PCNX2: variants seen among roughly 807,000 people sequenced by gnomAD.
The protein encoded by PCNX2 is pecanex 2.
PCNX2 carries 168 observed loss-of-function variants against 223.8 expected under a neutral mutation model. The observed-to-expected ratio is 0.75, with a 90% CI of 0.66 to 0.85. The LOEUF is 0.85. Among genes scored for constraint, PCNX2 ranks in the 40% least tolerant of loss-of-function variants. PCNX2 has a pLI of 0.00. For synonymous variants in PCNX2, 1,006 were observed against 1,052.6 expected (o/e 0.96, Z 0.86); for missense variants, 2,507 against 2,675.5 (o/e 0.94, Z 1.39).
intron 17 of PCNX2, among the ~76,000 whole-genome samples, chr1:233,174,853 C>T (rs1679380152): frequency 6.6e-6 from 1 of 152,130 alleles, no homozygotes; most frequent in Admixed American, 6.5e-5. Context: ...ACTTTGTGTG[C>T]ATAACTTATC....
intron 19 of PCNX2, 158 bp downstream of exon 19, chr1:233,160,125 T>A: frequency 7.7e-6 from 6 of 782,150 alleles, no homozygotes; most frequent in Non-Finnish European, 1.2e-5. Flanking sequence ...CCTTTTTTCT[T>A]TTTTATTGTG....
At chr1:233,299,558 T>C (rs2103037032), upstream of PCNX2, among the ~76,000 whole-genome samples, 1 of 152,238 alleles carries the variant, frequency 6.6e-6, no homozygotes, top group East Asian at 1.9e-4. Context: ...CAAGTAGTAT[T>C]GTTAGAAGCC....
chr1:233,002,626 G>A (rs893957426), intron 28 of PCNX2, among the ~76,000 whole-genome samples: 2 of 152,124 alleles, frequency 1.3e-5, no homozygotes, highest in African/African-American at 4.8e-5. Context: ...AGCTACCACT[G>A]ACTTTCTTCA....
chr1:233,077,636 C>T (rs570862462), intron 23 of PCNX2, among the ~76,000 whole-genome samples: 2 of 152,298 alleles, frequency 1.3e-5, no homozygotes, highest in Admixed American at 1.3e-4. Context: ...TCCCTGACTA[C>T]AGGCAAATAA....
At chr1:233,105,488 C>T (rs1410476300) in intron 21 of PCNX2, among the ~76,000 whole-genome samples, 1 of 152,066 alleles carries the variant, frequency 6.6e-6, no homozygotes. Context: ...AGGCATTAAA[C>T]AAGATGAATC....
intron 10 of PCNX2, among the ~76,000 whole-genome samples, chr1:233,220,078 C>T (rs1312136965): frequency 6.6e-6 from 1 of 152,182 alleles, no homozygotes; most frequent in Non-Finnish European, 1.5e-5. Flanking sequence ...AAGTACTATG[C>T]AGTTAACGTT....
the PCNX2 span, among the ~76,000 whole-genome samples, chr1:233,310,135 C>G: frequency 6.6e-6 from 1 of 152,062 alleles, no homozygotes; most frequent in Non-Finnish European, 1.5e-5. Flanking sequence ...TCAATGAACT[C>G]ACAAGAGGAA....
At chr1:233,178,616 C>G (rs1679621290) in intron 16 of PCNX2, among the ~76,000 whole-genome samples, 1 of 152,172 alleles carries the variant, frequency 6.6e-6, no homozygotes, top group Non-Finnish European at 1.5e-5. Flanking sequence ...ACAACAACAA[C>G]AAAACAATAA....
intron 21 of PCNX2, among the ~76,000 whole-genome samples, chr1:233,118,005 G>T (rs1039281142): frequency 2.3e-5 from 3 of 133,062 alleles, no homozygotes; most frequent in African/African-American, 5.6e-5. Flanking sequence ...GCGAGACTCC[G>T]TCTCAAAAAA....
intron 21 of PCNX2, chr1:233,134,634 G>A (rs1676703754): frequency 4.1e-6 from 1 of 245,494 alleles, no homozygotes; most frequent in African/African-American, 2.2e-5. Flanking sequence ...AGGTAAGAAG[G>A]GAGGGAGACA....
At chr1:233,129,581 C>G (rs183478256) in intron 21 of PCNX2, among the ~76,000 whole-genome samples, 1 of 152,194 alleles carries the variant, frequency 6.6e-6, no homozygotes, top group Non-Finnish European at 1.5e-5. Context: ...CAGCTAGGCT[C>G]CTGAGTCTAG....
At chr1:233,281,197 A>C (rs1248991762) in intron 1 of PCNX2, among the ~76,000 whole-genome samples, 1 of 152,216 alleles carries the variant, frequency 6.6e-6, no homozygotes, top group African/African-American at 2.4e-5. Context: ...ACTCAGGGAC[A>C]TTTCTTATAT....
At chr1:233,129,912 A>G (rs955292270) in intron 21 of PCNX2, among the ~76,000 whole-genome samples, 21 of 152,182 alleles carry the variant, frequency 1.4e-4, no homozygotes, top group Non-Finnish European at 4.4e-5. Context: ...CAGGGTACTG[A>G]GAGCTTTGTT....
At chr1:233,171,860 T>C (rs984950562) in intron 17 of PCNX2, among the ~76,000 whole-genome samples, 1 of 152,194 alleles carries the variant, frequency 6.6e-6, no homozygotes, top group African/African-American at 2.4e-5. Flanking sequence ...CATTTCTCTT[T>C]CAAATTTCTT....
chr1:233,256,432 G>A (rs371876986), intron 5 of PCNX2, among the ~76,000 whole-genome samples: 52 of 152,220 alleles, frequency 3.4e-4, no homozygotes, highest in African/African-American at 1.2e-3. Flanking sequence ...ATCTGGCCTT[G>A]GGCTATCTGA....
At chr1:233,129,729 T>C (rs115506834) in intron 21 of PCNX2, among the ~76,000 whole-genome samples, 1,909 of 152,110 alleles carry the variant, frequency 0.013, 20 homozygotes, top group Non-Finnish European at 0.02. Flanking sequence ...TGGAGAAACT[T>C]TGTCTAGCTA....
intron 23 of PCNX2, among the ~76,000 whole-genome samples, chr1:233,076,373 T>C (rs1673099000): frequency 6.6e-6 from 1 of 152,206 alleles, no homozygotes; most frequent in Admixed American, 6.5e-5. Flanking sequence ...CTATGATCTT[T>C]AGCAATGGAA....
the PCNX2 span, among the ~76,000 whole-genome samples, chr1:233,326,747 A>G: frequency 1.3e-5 from 2 of 152,212 alleles, no homozygotes; most frequent in African/African-American, 4.8e-5. Flanking sequence ...GGCCTACTAC[A>G]GGATAATCTA....
At chr1:233,226,645 C>T (rs1224716434) in intron 10 of PCNX2, among the ~76,000 whole-genome samples, 5 of 152,074 alleles carry the variant, frequency 3.3e-5, no homozygotes, top group African/African-American at 4.8e-5. Flanking sequence ...AACCCCACAA[C>T]GTTTTGCTGT....
Sources: allele counts gnomAD v4.1 joint callset (sites outside exome capture counted in the v4.1 genomes callset), GRCh38; gene constraint gnomAD v4.1.1; transcripts MANE v1.5; gene names NCBI Gene and HGNC (gene_info 2026-07-23, HGNC 2026-07-21).